SOX5: variants seen among roughly 807,000 people sequenced by gnomAD.
The protein encoded by SOX5 is transcription factor SOX-5.
Under a neutral mutation model 92.0 loss-of-function variants are expected in SOX5, and 9 were observed. That is an observed-to-expected ratio of 0.10 (90% CI 0.06 to 0.17). SOX5 has a LOEUF of 0.17. Ranked by LOEUF, SOX5 falls within the 10% of genes least tolerant of loss-of-function variation. The pLI is 1.00. For missense variants in SOX5, 642 were observed against 944.5 expected (o/e 0.68, Z 4.20); for synonymous variants, 344 against 336.3 (o/e 1.02, Z -0.25).
intron 4 of SOX5, among the ~76,000 whole-genome samples, chr12:24,074,973 C>A (rs775435810): frequency 1.3e-5 from 2 of 151,296 alleles, no homozygotes; most frequent in Admixed American, 6.6e-5. Context: ...CATTAATAGG[C>A]AATGCCAGCC....
At chr12:23,735,807 T>C (rs1230276292) in intron 5 of SOX5, among the ~76,000 whole-genome samples, 1 of 152,226 alleles carries the variant, frequency 6.6e-6, no homozygotes, top group Non-Finnish European at 1.5e-5. Context: ...TGTTTACTTC[T>C]ACATTTACTT....
intron 4 of SOX5, among the ~76,000 whole-genome samples, chr12:24,025,906 C>T (rs1282827526): frequency 6.6e-6 from 1 of 152,070 alleles, no homozygotes; most frequent in Non-Finnish European, 1.5e-5. Flanking sequence ...AACACAGGAA[C>T]TCTGTAAGCT....
chr12:23,576,809 T>C (rs1416680097), intron 9 of SOX5, among the ~76,000 whole-genome samples: 1 of 152,116 alleles, frequency 6.6e-6, no homozygotes, highest in Admixed American at 6.6e-5. Flanking sequence ...GTTATTTTGT[T>C]CCTTTCGTGT....
At chr12:23,690,619 G>T in intron 6 of SOX5, among the ~76,000 whole-genome samples, 1 of 151,986 alleles carries the variant, frequency 6.6e-6, no homozygotes, top group Non-Finnish European at 1.5e-5. Context: ...TATCTAAAAT[G>T]CAAATCTATC....
At chr12:24,180,252 T>C (rs1955333339) in intron 4 of SOX5, among the ~76,000 whole-genome samples, 1 of 152,184 alleles carries the variant, frequency 6.6e-6, no homozygotes, top group African/African-American at 2.4e-5. Flanking sequence ...GCCTGGTCAT[T>C]AGTTAAAACC....
intron 6 of SOX5, among the ~76,000 whole-genome samples, chr12:23,716,467 T>C (rs2092503461): frequency 6.6e-6 from 1 of 152,212 alleles, no homozygotes; most frequent in Admixed American, 6.5e-5. Context: ...CTAATATGTA[T>C]GCCACTAATT....
At chr12:24,352,891 G>A (rs1399873423) in intron 2 of SOX5, among the ~76,000 whole-genome samples, 4 of 152,052 alleles carry the variant, frequency 2.6e-5, no homozygotes, top group Admixed American at 6.6e-5. Context: ...AAGTGTGCAC[G>A]GGCCTCACTG....
chr12:24,275,212 ACT>A (rs1461103888), intron 3 of SOX5, among the ~76,000 whole-genome samples: 7 of 152,252 alleles, frequency 4.6e-5, no homozygotes, highest in African/African-American at 1.7e-4. Flanking sequence ...CTATTTAAAA[ACT>A]CTGTAAACTA....
intron 4 of SOX5, among the ~76,000 whole-genome samples, chr12:24,200,006 TTA>T (rs1358907607): frequency 1.3e-5 from 2 of 152,150 alleles, no homozygotes; most frequent in Non-Finnish European, 2.9e-5. Context: ...TTTATTAGTT[TTA>T]AAGTGTAAAA....
At chr12:23,578,182 A>G (rs1054161255) in intron 9 of SOX5, among the ~76,000 whole-genome samples, 2 of 146,972 alleles carry the variant, frequency 1.4e-5, no homozygotes, top group Admixed American at 7.0e-5. Context: ...TAATTGTTCA[A>G]TCTGAAACAT....
chr12:24,448,114 A>G (rs11047447), intron 1 of SOX5, among the ~76,000 whole-genome samples: 48,189 of 152,068 alleles, frequency 0.32, 7,787 homozygotes, highest in Middle Eastern at 0.37. Flanking sequence ...CCCGAGGGGC[A>G]GAGGTTGCAC....
At chr12:23,772,509 G>T (rs2094965852) in intron 3 of SOX5, among the ~76,000 whole-genome samples, 1 of 152,110 alleles carries the variant, frequency 6.6e-6, no homozygotes, top group Admixed American at 6.6e-5. Flanking sequence ...TAAAATAAAA[G>T]AAAAAGTTCT....
chr12:24,376,138 G>C (rs1038196279), intron 1 of SOX5, among the ~76,000 whole-genome samples: 2 of 152,214 alleles, frequency 1.3e-5, no homozygotes, highest in Non-Finnish European at 2.9e-5. Context: ...TCATAAATCT[G>C]AGATACTATG....
At chr12:23,969,891 A>G (rs1206813038) in intron 4 of SOX5, among the ~76,000 whole-genome samples, 1 of 152,236 alleles carries the variant, frequency 6.6e-6, no homozygotes, top group Non-Finnish European at 1.5e-5. Flanking sequence ...ACCAGCGAAC[A>G]AACAGTACAA....
intron 4 of SOX5, among the ~76,000 whole-genome samples, chr12:23,987,629 C>G (rs1441002125): frequency 2.0e-5 from 3 of 152,108 alleles, no homozygotes; most frequent in Non-Finnish European, 4.4e-5. Context: ...CCCATCTCTA[C>G]AAAAAGTACA....
chr12:24,082,382 C>T (rs1042850282), intron 4 of SOX5, among the ~76,000 whole-genome samples: 1 of 131,072 alleles, frequency 7.6e-6, no homozygotes, highest in African/African-American at 2.9e-5. Context: ...ATTTCTCTCA[C>T]CAGGGCTGCT....
At chr12:23,833,176 C>A (rs1473454966) in intron 3 of SOX5, among the ~76,000 whole-genome samples, 1 of 151,972 alleles carries the variant, frequency 6.6e-6, no homozygotes, top group Non-Finnish European at 1.5e-5. Context: ...TCTGGAAACT[C>A]TGCTACCTCT....
At chr12:23,669,776 G>C (rs577266456) in intron 6 of SOX5, among the ~76,000 whole-genome samples, 3 of 152,154 alleles carry the variant, frequency 2.0e-5, no homozygotes, top group African/African-American at 7.2e-5. Flanking sequence ...TAAAAATTCA[G>C]AGTAGAAGTG....
At chr12:24,541,643 G>A (rs1952139373) in intron 1 of SOX5, among the ~76,000 whole-genome samples, 1 of 152,032 alleles carries the variant, frequency 6.6e-6, no homozygotes, top group African/African-American at 2.4e-5. Flanking sequence ...AGACTCACAG[G>A]GATAAAATAA....
Sources: allele counts gnomAD v4.1 joint callset (sites outside exome capture counted in the v4.1 genomes callset), GRCh38; gene constraint gnomAD v4.1.1; transcripts MANE v1.5; gene names NCBI Gene and HGNC (gene_info 2026-07-23, HGNC 2026-07-21).